The following AVPR1A variants were observed in gnomAD, a reference collection of about 807,000 sequenced individuals.
AVPR1A encodes the protein vasopressin V1a receptor.
AVPR1A carries 31 observed loss-of-function variants against 31.5 expected under a neutral mutation model. That is an observed-to-expected ratio of 0.99 (90% CI 0.74 to 1.33). The LOEUF (loss-of-function observed/expected upper bound fraction) is 1.33, where lower values mean the gene tolerates loss of function less well. AVPR1A is among the 40% of genes most tolerant of loss of function. The probability of loss-of-function intolerance (pLI) is 0.00; values close to 1 mark genes in which losing one functional copy is unlikely to be tolerated. For missense variants in AVPR1A, 570 were observed against 575.2 expected (o/e 0.99, Z 0.09); for synonymous variants, 243 against 233.2 (o/e 1.04, Z -0.38).
rs1310658885 is a variant in AVPR1A, at chr12:63,144,548, A to G, written c.*2811T>C. 6.6e-6 allele frequency: 1 copy of G among 152,226 alleles called. No homozygotes were observed. The highest frequency in any genetic ancestry group is 1.5e-5 in the Non-Finnish European group (1 of 68,040). 9.4% of individuals were successfully genotyped at this position (152,226 alleles called of 1,614,324 possible). A position where few individuals can be genotyped will look rare whatever the true frequency, so the allele number is the denominator to read the frequency against. Reference sequence around the variant, plus strand: ...ACTGTAAGCTGTTATTTGGCATAATATCTCAGGTCTTCTCTTTAGTCAAGA... The same window carrying G: ...ACTGTAAGCTGTTATTTGGCATAATGTCTCAGGTCTTCTCTTTAGTCAAGA... On this transcript the variant is annotated 3_prime_UTR_variant, in exon 2 of 2. Transcript: ENST00000299178.
Position 63,150,480 on chromosome 12 carries a change from G to A in AVPR1A, c.357C>T (p.Gly119=). ...MCWDITYRFR[G]PDWLCRVVKH... ...TCACCACGCGGCACAGCCAGTCGGG[G>A]CCGCGGAAGCGGTAGGTGATGTCCC... The change falls in exon 1 of 2, where the codon GGC becomes GGT. Residue 119 remains glycine (G), a synonymous_variant. Coordinates refer to ENST00000299178, the MANE Select transcript of AVPR1A (RefSeq NM_000706.5). This position sits in a 1 kb window ranked among gnomAD's most constrained non-coding sequence, Gnocchi z 4.9. 1 of 1,613,428 alleles carries A rather than the reference G, an allele frequency of 6.2e-7. No homozygotes were observed. Among genetic ancestry groups the A allele is most frequent in the Non-Finnish European group, 8.5e-7 (1 of 1,179,846 alleles).
At position 63,150,316 on chromosome 12, in the gene AVPR1A, G is replaced by A. The variant is rs1221383319; in HGVS notation, c.521C>T (p.Ala174Val). 1.2e-6 allele frequency: 2 copies of A among 1,613,946 alleles called. No individual in the cohort carries two copies. Among genetic ancestry groups the A allele is most frequent in the Non-Finnish European group, 1.7e-6 (2 of 1,180,034 alleles). Residue 174 changes from alanine (A) to valine (V), a missense_variant, in exon 1 of 2, where the codon GCC (alanine) becomes GTC (valine). Ala to Val is a moderately conservative substitution (Grantham distance 64). Coordinates refer to ENST00000299178, the MANE Select transcript of AVPR1A (RefSeq NM_000706.5). This position sits in a 1 kb window ranked among gnomAD's most constrained non-coding sequence, Gnocchi z 4.9. ...GCTCAGCACGAAGCTCAGCACCCAGGCGGCCGCGATCATGAGGCGCGAGCG... is the reference window on the plus strand; with the variant it reads ...GCTCAGCACGAAGCTCAGCACCCAGACGGCCGCGATCATGAGGCGCGAGCG... The part of the protein sequence containing the change: ...ARRSRLMIAA[A>V]WVLSFVLSTP...
At position 63,150,845 on chromosome 12, in the gene AVPR1A, T is replaced by G. The variant is rs970457465; in HGVS notation, c.-9A>C. 11 of 1,563,748 alleles carry G rather than the reference T, an allele frequency of 7.0e-6. No individual in the cohort carries two copies. The highest frequency in any genetic ancestry group is 9.5e-6 in the Non-Finnish European group (11 of 1,163,072). ...CCGGCGGAGAGACGCATGCTGTCCA[T>G]GCAGCTCCTACTCGGCCCTCTTCGG... On this transcript the variant is annotated 5_prime_UTR_variant, in exon 1 of 2. The change abolishes an upstream ATG in the 5' untranslated region. Coordinates refer to ENST00000299178, the MANE Select transcript of AVPR1A (RefSeq NM_000706.5). The surrounding 1 kb of genome is among the most constrained non-coding windows in gnomAD (Gnocchi z 4.9).
rs1868344986 is a variant in AVPR1A at position 63,144,719 on chromosome 12, C to T, written c.*2640G>A. The T allele has an allele frequency of 6.6e-6, 1 of 152,148 alleles. No individual in the cohort carries two copies. Among genetic ancestry groups the T allele is most frequent in the South Asian group, 2.1e-4 (1 of 4,822 alleles). 9.4% of individuals were successfully genotyped at this position (152,148 alleles called of 1,614,324 possible). A position where few individuals can be genotyped will look rare whatever the true frequency, so the allele number is the denominator to read the frequency against. On this transcript the variant is annotated 3_prime_UTR_variant, in exon 2 of 2. Coordinates refer to ENST00000299178, the MANE Select transcript of AVPR1A (RefSeq NM_000706.5). Reference sequence around the variant, plus strand: ...ACATAACATTGAGAAAATTTAGCAACCAGACAGATGAAACTTCTCAGCCTA... The same window carrying T: ...ACATAACATTGAGAAAATTTAGCAATCAGACAGATGAAACTTCTCAGCCTA...
rs1868331756 is a variant in AVPR1A, at chr12:63,142,894, T to C, written c.*4465A>G. On this transcript the variant is annotated 3_prime_UTR_variant, in exon 2 of 2. Coordinates refer to ENST00000299178, the MANE Select transcript of AVPR1A (RefSeq NM_000706.5). Reference sequence around the variant, plus strand: ...ATATTAGATACTATCACAAAACATTTTATCACTCATTCAAAACAAGAATCA... The same window carrying C: ...ATATTAGATACTATCACAAAACATTCTATCACTCATTCAAAACAAGAATCA... 1 of 152,074 alleles carries C rather than the reference T, an allele frequency of 6.6e-6. No homozygotes were observed. The highest frequency in any genetic ancestry group is 2.4e-5 in the African/African-American group (1 of 41,430). The allele number at this position is 152,074 out of a possible 1,614,324, so 9.4% of individuals were successfully genotyped here. A position where few individuals can be genotyped will look rare whatever the true frequency, so the allele number is the denominator to read the frequency against.
chr12:63,147,159 T>C lies in AVPR1A; in HGVS notation c.*200A>G, dbSNP rs1592331951. On this transcript the variant is annotated 3_prime_UTR_variant, in exon 2 of 2. Coordinates refer to ENST00000299178, the MANE Select transcript of AVPR1A (RefSeq NM_000706.5). ...CAGACCTGCATATTTTAGTACAGCA[T>C]GTTTCCATTAATATTCCATACAAAA... is the stretch of plus-strand genomic sequence containing the variant. 3.3e-6 allele frequency: 2 copies of C among 603,874 alleles called. No homozygotes were observed. Among genetic ancestry groups the C allele is most frequent in the South Asian group, 2.6e-5 (1 of 38,788 alleles). The allele number at this position is 603,874 out of a possible 1,614,324, so 37.4% of individuals were successfully genotyped here.
Position 63,145,608 on chromosome 12 carries a change from A to G in AVPR1A, c.*1751T>C, listed in dbSNP as rs1162154480. 5.3e-6 allele frequency: 1 copy of G among 187,186 alleles called. No homozygotes were observed. Among genetic ancestry groups the G allele is most frequent in the East Asian group, 1.4e-4 (1 of 7,302 alleles). The allele number at this position is 187,186 out of a possible 1,614,324, so 11.6% of individuals were successfully genotyped here. A position where few individuals can be genotyped will look rare whatever the true frequency, so the allele number is the denominator to read the frequency against. On this transcript the variant is annotated 3_prime_UTR_variant, in exon 2 of 2. Coordinates refer to ENST00000299178, the MANE Select transcript of AVPR1A (RefSeq NM_000706.5). ...CCACTGCACTCCAGCCTGGCAAAAG[A>G]GCAAGACTCTGTTTCAAAAAAAAAA...
chr12:63,149,729 C>A, intron 1 of AVPR1A, 138 bp downstream of exon 1: 3 of 1,317,600 alleles, frequency 2.3e-6, no homozygotes, highest in Non-Finnish European at 3.0e-6. Flanking sequence ...AAACTACTGC[C>A]CTAGAAGATA....
At position 63,147,884 on chromosome 12, in the gene AVPR1A, T is replaced by C. The variant is rs113732341; in HGVS notation, c.971-239A>G. ...TTAAAACACTATCAAAATATTTAAA[T>C]AGAATTGAGTGGGAATTTTACGAGG... is the stretch of plus-strand genomic sequence containing the variant. On this transcript the variant is annotated intron_variant, in intron 1 of 1. Coordinates refer to ENST00000299178, the MANE Select transcript of AVPR1A (RefSeq NM_000706.5). Among the ~76,000 whole-genome samples the C allele has an allele frequency of 3.8e-3, 585 of 152,278 alleles. 5 individuals carry two copies. Among genetic ancestry groups the C allele is most frequent in the African/African-American group, 0.012 (503 of 41,564 alleles).
At position 63,147,506 on chromosome 12, in the gene AVPR1A, C is replaced by T. The variant is rs1338677697; in HGVS notation, c.1110G>A (p.Lys370=). 3.7e-6 allele frequency: 6 copies of T among 1,613,916 alleles called. No individual in the cohort carries two copies. The highest frequency in any genetic ancestry group is 5.1e-6 in the Non-Finnish European group (6 of 1,180,000). ...VQSFPCCQNM[K]EKFNKEDTDS... ...CAGTATCTTCTTTGTTGAATTTTTC[C>T]TTCATGTTTTGGCAGCATGGGAAGC... The change falls in exon 2 of 2, where the codon AAG becomes AAA. Residue 370 remains lysine (K), a synonymous_variant. Coordinates refer to ENST00000299178, the MANE Select transcript of AVPR1A (RefSeq NM_000706.5).
chr12:63,149,640 G>A (rs1257801554), intron 1 of AVPR1A, among the ~76,000 whole-genome samples: 1 of 146,778 alleles, frequency 6.8e-6, no homozygotes, highest in African/African-American at 2.7e-5. Flanking sequence ...GTCTGCATGG[G>A]GAATCCAGGA....
rs996006148 is a variant in AVPR1A, at chr12:63,150,947, C to T, written c.-111G>A. The T allele has an allele frequency of 2.0e-5, 28 of 1,415,694 alleles. No individual in the cohort carries two copies. The highest frequency in any genetic ancestry group is 2.2e-5 in the Non-Finnish European group (24 of 1,082,968). 87.7% of individuals were successfully genotyped at this position (1,415,694 alleles called of 1,614,324 possible). On this transcript the variant is annotated 5_prime_UTR_variant, in exon 1 of 2. Transcript: ENST00000299178. This position sits in a 1 kb window ranked among gnomAD's most constrained non-coding sequence, Gnocchi z 4.9. ...CTCGTCCGAAGCGCAGGGTCTTTGG[C>T]GCGCTCGCAGCTTGCCGGGCTCTGC...
At position 63,151,093 on chromosome 12, in the gene AVPR1A, G is replaced by A; in HGVS notation, c.-257C>T. ...TTTCAACTTCGGCGAGGTCGGGAAG[G>A]TGAGCTCCGAGCTTCCGGAAGCACT... On this transcript the variant is annotated 5_prime_UTR_variant, in exon 1 of 2. Coordinates refer to ENST00000299178, the MANE Select transcript of AVPR1A (RefSeq NM_000706.5). The A allele has an allele frequency of 2.1e-6, 1 of 484,010 alleles. No individual in the cohort carries two copies. Among genetic ancestry groups the A allele is most frequent in the East Asian group, 3.5e-5 (1 of 28,754 alleles). The allele number at this position is 484,010 out of a possible 1,614,324, so 30.0% of individuals were successfully genotyped here.
intron 1 of AVPR1A, among the ~76,000 whole-genome samples, chr12:63,148,087 T>C (rs1243825669): frequency 6.6e-6 from 1 of 152,178 alleles, no homozygotes; most frequent in African/African-American, 2.4e-5. Flanking sequence ...AATATTGCAT[T>C]AGGGATCAAG....
Position 63,145,166 on chromosome 12 carries a change from AG to A in AVPR1A, c.*2192del, listed in dbSNP as rs922380927. 8 of 290,384 alleles carry A rather than the reference AG, an allele frequency of 2.8e-5. No homozygotes were observed. The highest frequency in any genetic ancestry group is 1.8e-4 in the African/African-American group (8 of 45,668). 18.0% of individuals were successfully genotyped at this position (290,384 alleles called of 1,614,324 possible). A position where few individuals can be genotyped will look rare whatever the true frequency, so the allele number is the denominator to read the frequency against. Reference sequence around the variant, plus strand: ...AATTTAGTTATGGCTTATATTGGACAGTACCCTTTAAGAGACATATTTGTTA... The same window carrying A: ...AATTTAGTTATGGCTTATATTGGACATACCCTTTAAGAGACATATTTGTTA... On this transcript the variant is annotated 3_prime_UTR_variant, in exon 2 of 2. Coordinates refer to ENST00000299178, the MANE Select transcript of AVPR1A (RefSeq NM_000706.5).
chr12:63,147,364 T>A lies in AVPR1A; in HGVS notation c.1252A>T (p.Thr418Ser), dbSNP rs1332110246. 5 of 1,611,614 alleles carry A rather than the reference T, an allele frequency of 3.1e-6. No individual in the cohort carries two copies. The highest frequency in any genetic ancestry group is 4.2e-6 in the Non-Finnish European group (5 of 1,177,752). Residue 418 changes from threonine (T) to serine (S), a missense_variant, in exon 2 of 2, where the codon ACT (threonine) becomes TCT (serine). By Grantham distance (58) the Thr-to-Ser change is moderately conservative. Coordinates refer to ENST00000299178, the MANE Select transcript of AVPR1A (RefSeq NM_000706.5). The part of the protein sequence containing the change: ...SKSIKFIPVS[T>S] ...AAGTTGCATGAATGCAAGGCTCAAGTTGAAACAGGAATGAATTTGATGGAC... is the reference window on the plus strand; with the variant it reads ...AAGTTGCATGAATGCAAGGCTCAAGATGAAACAGGAATGAATTTGATGGAC...
rs537401402 is a variant in AVPR1A at position 63,146,419 on chromosome 12, A to G, written c.*940T>C. ...TATATCCTGAGTCACTCTTTAGGAT[A>G]CTCATATTATGAATCTGAATTCCCC... On this transcript the variant is annotated 3_prime_UTR_variant, in exon 2 of 2. Coordinates refer to ENST00000299178, the MANE Select transcript of AVPR1A (RefSeq NM_000706.5). 2.0e-5 allele frequency: 3 copies of G among 152,308 alleles called. No individual in the cohort carries two copies. In the South Asian group the frequency reaches 6.2e-4, roughly 32 times the overall value. The allele number at this position is 152,308 out of a possible 1,614,324, so 9.4% of individuals were successfully genotyped here.
chr12:63,147,346 A>G lies in AVPR1A; in HGVS notation c.*13T>C, dbSNP rs1254341960. 1.2e-6 allele frequency: 2 copies of G among 1,606,886 alleles called. No individual in the cohort carries two copies. The highest frequency in any genetic ancestry group is 2.7e-5 in the African/African-American group (2 of 74,770). ...AAGTCAATCACAAGAATCAAGTTGC[A>G]TGAATGCAAGGCTCAAGTTGAAACA... is the stretch of plus-strand genomic sequence containing the variant. On this transcript the variant is annotated 3_prime_UTR_variant, in exon 2 of 2. Coordinates refer to ENST00000299178, the MANE Select transcript of AVPR1A (RefSeq NM_000706.5).
In AVPR1A at chr12:63,145,420, A is replaced by G; in HGVS notation, c.*1939T>C. ...GTAAAAAAAGAAACTCAATAATACT[A>G]TTAAAACCATGCTGGCCAACATGGT... On this transcript the variant is annotated 3_prime_UTR_variant, in exon 2 of 2. Transcript: ENST00000299178. 2.2e-6 allele frequency: 1 copy of G among 452,288 alleles called. No homozygotes were observed. The highest frequency in any genetic ancestry group is 1.6e-5 in the South Asian group (1 of 63,586). The allele number at this position is 452,288 out of a possible 1,614,324, so 28.0% of individuals were successfully genotyped here. A position where few individuals can be genotyped will look rare whatever the true frequency, so the allele number is the denominator to read the frequency against.
Sources: allele counts gnomAD v4.1 joint callset (sites outside exome capture counted in the v4.1 genomes callset), GRCh38; gene constraint gnomAD v4.1.1; non-coding constraint Gnocchi (gnomAD v3.1); transcripts MANE v1.5; gene names NCBI Gene and HGNC (gene_info 2026-07-23, HGNC 2026-07-21).